The following IL9R variants were observed in gnomAD, a reference collection of about 807,000 sequenced individuals.
IL9R encodes interleukin 9 receptor, also known as interleukin-9 receptor.
A neutral mutation model predicts 56.3 loss-of-function variants in IL9R; 54 were observed. That is an observed-to-expected ratio of 0.96 (90% CI 0.77 to 1.20). The LOEUF (loss-of-function observed/expected upper bound fraction) is 1.20, where lower values mean the gene tolerates loss of function less well. IL9R is among the 50% of genes most tolerant of loss of function. The probability of loss-of-function intolerance (pLI) is 0.00; values close to 1 mark genes in which losing one functional copy is unlikely to be tolerated. For missense variants in IL9R, 545 were observed against 629.8 expected (o/e 0.87, Z 1.44); for synonymous variants, 212 against 250.2 (o/e 0.85, Z 1.44).
rs1365679184 is a variant in IL9R at position 156,005,426 on chromosome X, G to A, written c.728G>A (p.Gly243Asp). Residue 243 changes from glycine (G) to aspartate (D), a missense_variant, in exon 6 of 9, where the codon GGC (glycine) becomes GAC (aspartate). Coordinates refer to ENST00000244174, the MANE Select transcript of IL9R (RefSeq NM_002186.3). ...GTGGTAGAGGAGGAGCGTTATACAG[G>A]CCAGTGGAGTGAGTGGAGCCAGCCT... is the stretch of plus-strand genomic sequence containing the variant. ...DDVVEEERYT[G>D]QWSEWSQPVC... The A allele has an allele frequency of 2.5e-6, 4 of 1,613,046 alleles. No individual in the cohort carries two copies. In the Admixed American group the frequency reaches 6.7e-5, roughly 27 times the overall value.
In IL9R at chrX:156,004,419, G is replaced by T. The variant is rs2067764282; in HGVS notation, c.434-1G>T. 6.2e-7 allele frequency: 1 copy of T among 1,613,874 alleles called. No individual in the cohort carries two copies. Among genetic ancestry groups the T allele is most frequent in the South Asian group, 1.1e-5 (1 of 91,058 alleles). ...CCTCACATGGATTCACTCTGTTCCA[G>T]TTAAGCTGGACCCGCCCTCTGACTT... On this transcript the variant is annotated splice_acceptor_variant, in intron 4 of 8. Coordinates refer to ENST00000244174, the MANE Select transcript of IL9R (RefSeq NM_002186.3). LOFTEE classifies it high-confidence loss of function.
intron 8 of IL9R, among the ~76,000 whole-genome samples, chrX:156,009,278 G>A (rs868368640): frequency 1.0e-5 from 1 of 95,470 alleles, no homozygotes; most frequent in Non-Finnish European, 1.9e-5. Flanking sequence ...GTGTGTGTAT[G>A]TCTGTGTGTG....
At chrX:156,002,186 A>G (rs1450617609) in intron 1 of IL9R, among the ~76,000 whole-genome samples, 2 of 132,684 alleles carry the variant, frequency 1.5e-5, no homozygotes, top group East Asian at 6.2e-4. Context: ...TACTAAAAAT[A>G]CAAAAAAAAA....
chrX:156,007,128 G>C (rs932375546), intron 7 of IL9R, among the ~76,000 whole-genome samples: 13 of 150,920 alleles, frequency 8.6e-5, no homozygotes, highest in African/African-American at 3.2e-4. Flanking sequence ...GGGAGGGTCA[G>C]TGGATCCTTG....
At chrX:156,005,060 G>A (rs1361087207) in intron 5 of IL9R, among the ~76,000 whole-genome samples, 1 of 152,044 alleles carries the variant, frequency 6.6e-6, no homozygotes, top group African/African-American at 2.4e-5. Flanking sequence ...TTGCCTGTGT[G>A]TGCATATGTG....
intron 8 of IL9R, among the ~76,000 whole-genome samples, chrX:156,009,098 TGTGTGTGTGTTTA>T (rs2068239619): frequency 7.0e-6 from 1 of 143,096 alleles, no homozygotes; most frequent in African/African-American, 2.8e-5. Flanking sequence ...TGTGTGTGTC[TGTGTGTGTGTTTA>T]TGTGTCTGTG....
At chrX:156,003,963 C>T in intron 4 of IL9R, 108 bp downstream of exon 4, 1 of 1,179,510 alleles carries the variant, frequency 8.5e-7, no homozygotes, top group Non-Finnish European at 1.2e-6. Context: ...AGTGAGTGTT[C>T]TCAGTCCCAG....
In IL9R at chrX:156,003,613, G is replaced by A. The variant is rs2067690450; in HGVS notation, c.254+53G>A. On this transcript the variant is annotated intron_variant, in intron 3 of 8. Transcript: ENST00000244174. Reference sequence around the variant, plus strand: ...GACAGGGATGAGGGTGAGTTCCCCAGGATTGAAGCAGCTATGCCAGGACAG... The same window carrying A: ...GACAGGGATGAGGGTGAGTTCCCCAAGATTGAAGCAGCTATGCCAGGACAG... The A allele has an allele frequency of 3.7e-6, 6 of 1,611,020 alleles. No individual in the cohort carries two copies. The African/African-American group carries it at 5.3e-5, about 14-fold the overall frequency.
chrX:156,007,016 G>C (rs2068015301), intron 7 of IL9R, among the ~76,000 whole-genome samples: 1 of 151,864 alleles, frequency 6.6e-6, no homozygotes, highest in Non-Finnish European at 1.5e-5. Flanking sequence ...GATGAGATAT[G>C]AGTGGTGACC....
chrX:156,010,184 C>G lies in IL9R; in HGVS notation c.1341C>G (p.Gly447=). The stretch of plus-strand genomic sequence containing the variant: ...ACAACAACAACTACTGTGCCTTGGG[C>G]TGCTATGGGGGATGGCACCTCTCAG... ...SSNNNNYCAL[G]CYGGWHLSAL... is the part of the protein sequence containing the mutation. Residue 447 remains glycine, a synonymous_variant, in exon 9 of 9, where the codon GGC becomes GGG. Coordinates refer to ENST00000244174, the MANE Select transcript of IL9R (RefSeq NM_002186.3). 1 of 1,489,874 alleles carries G rather than the reference C, an allele frequency of 6.7e-7. No homozygotes were observed. Among genetic ancestry groups the G allele is most frequent in the Non-Finnish European group, 8.8e-7 (1 of 1,132,314 alleles). 92.3% of individuals were successfully genotyped at this position (1,489,874 alleles called of 1,614,324 possible).
intron 4 of IL9R, 46 bp downstream of exon 4, chrX:156,003,901 A>C: frequency 1.3e-6 from 2 of 1,598,864 alleles, no homozygotes; most frequent in Non-Finnish European, 1.7e-6. Context: ...TGGCAAGAAC[A>C]TCCTGGCTGC....
chrX:155,998,259 A>G (rs1405710614), intron 1 of IL9R, among the ~76,000 whole-genome samples: 1 of 152,004 alleles, frequency 6.6e-6, no homozygotes, highest in Non-Finnish European at 1.5e-5. Context: ...AAGAGGAGCC[A>G]GGAGGATGGG....
Position 156,004,436 on chromosome X carries a change from C to G in IL9R, c.450C>G (p.Pro150=). ...LPRRHVKLDP[P]SDLQSNISSG... is the part of the protein sequence containing the mutation. ...CTGTTCCAGTTAAGCTGGACCCGCCCTCTGACTTGCAGAGCAACATCAGTT... is the reference window on the plus strand; with the variant it reads ...CTGTTCCAGTTAAGCTGGACCCGCCGTCTGACTTGCAGAGCAACATCAGTT... The change falls in exon 5 of 9, where the codon CCC becomes CCG. Residue 150 remains proline, a synonymous_variant. Coordinates refer to ENST00000244174, the MANE Select transcript of IL9R (RefSeq NM_002186.3). 3 of 1,613,938 alleles carry G rather than the reference C, an allele frequency of 1.9e-6. No individual in the cohort carries two copies. Among genetic ancestry groups the G allele is most frequent in the South Asian group, 2.2e-5 (2 of 91,050 alleles).
chrX:156,009,104 T>C, intron 8 of IL9R, among the ~76,000 whole-genome samples: 1 of 151,848 alleles, frequency 6.6e-6, no homozygotes, highest in African/African-American at 2.4e-5. Flanking sequence ...TGTCTGTGTG[T>C]GTGTTTATGT....
Position 156,004,412 on chromosome X carries a change from T to C in IL9R, c.434-8T>C, listed in dbSNP as rs1417021998. 3.7e-6 allele frequency: 6 copies of C among 1,613,736 alleles called. 1 individual carries two copies. In the Admixed American group the frequency reaches 1.0e-4, roughly 27 times the overall value. On this transcript the variant is annotated splice_polypyrimidine_tract_variant and splice_region_variant and intron_variant, in intron 4 of 8. Transcript: ENST00000244174. The stretch of plus-strand genomic sequence containing the variant: ...GCTTCAGCCTCACATGGATTCACTC[T>C]GTTCCAGTTAAGCTGGACCCGCCCT...
At chrX:156,004,825 C>T (rs1471568043) in intron 5 of IL9R, among the ~76,000 whole-genome samples, 5 of 151,834 alleles carry the variant, frequency 3.3e-5, no homozygotes, top group Admixed American at 2.6e-4. Context: ...TATGTGTACA[C>T]ATATGTAACT....
chrX:156,007,518 C>T lies in IL9R; in HGVS notation c.888-5C>T, dbSNP rs1054445735. ...AGGCCTCTGACTGGCCTCTCTTGGC[C>T]TCAGGGTGAAGAGAATCTTCTACCA... On this transcript the variant is annotated splice_polypyrimidine_tract_variant and splice_region_variant and intron_variant, in intron 7 of 8. Coordinates refer to ENST00000244174, the MANE Select transcript of IL9R (RefSeq NM_002186.3). 8.3e-7 allele frequency: 1 copy of T among 1,201,970 alleles called. No individual in the cohort carries two copies. Among genetic ancestry groups the T allele is most frequent in the Admixed American group, 1.9e-5 (1 of 52,980 alleles). 74.5% of individuals were successfully genotyped at this position (1,201,970 alleles called of 1,614,324 possible).
intron 1 of IL9R, among the ~76,000 whole-genome samples, chrX:156,000,711 G>C (rs184353450): frequency 7.4e-4 from 113 of 152,330 alleles, no homozygotes; most frequent in Middle Eastern, 6.8e-3. Context: ...CATCTGCCCT[G>C]ACTGCCTGGC....
At position 156,004,551 on chromosome X, in the gene IL9R, G is replaced by A. The variant is rs2124518270; in HGVS notation, c.565G>A (p.Glu189Lys). The change falls in exon 5 of 9, where the codon GAA (glutamate) becomes AAA (lysine). Residue 189 changes from glutamate (E) to lysine (K), a missense_variant. This residue lies in a region of IL9R where 431 missense variants were observed against 360.0 expected (regional missense o/e 1.20). Transcript: ENST00000244174. ...CTATGAGCTGGCCTTCAAGAAGCAG[G>A]AAGAGGCCTGGGAGGTAACACTTTG... ...LSYELAFKKQ[E>K]EAWEQAQHRD... The A allele has an allele frequency of 1.6e-5, 25 of 1,612,698 alleles. No homozygotes were observed. The highest frequency in any genetic ancestry group is 1.9e-5 in the Non-Finnish European group (22 of 1,179,856).
Sources: allele counts gnomAD v4.1 joint callset (sites outside exome capture counted in the v4.1 genomes callset), GRCh38; gene constraint gnomAD v4.1.1; regional missense constraint gnomAD v4.1.1; transcripts MANE v1.5; gene names NCBI Gene and HGNC (gene_info 2026-07-23, HGNC 2026-07-21).